PKD2L2: variants seen among roughly 807,000 people sequenced by gnomAD.
The protein encoded by PKD2L2 is polycystin-2-like protein 2.
In PKD2L2, 67 loss-of-function variants were observed where a neutral mutation model predicts 83.9. That is an observed-to-expected ratio of 0.80 (90% CI 0.66 to 0.98). The LOEUF (loss-of-function observed/expected upper bound fraction) is 0.98, where lower values mean the gene tolerates loss of function less well. Among genes scored for constraint, PKD2L2 ranks in the 50% least tolerant of loss-of-function variants. PKD2L2 has a pLI of 0.00. For synonymous variants in PKD2L2, 223 were observed against 237.8 expected (o/e 0.94, Z 0.57); for missense variants, 632 against 717.2 (o/e 0.88, Z 1.36).
intron 12 of PKD2L2, among the ~76,000 whole-genome samples, chr5:137,929,558 A>AAAT (rs1759686098): frequency 6.7e-6 from 1 of 148,888 alleles, no homozygotes; most frequent in Non-Finnish European, 1.5e-5. Flanking sequence ...AAAAAAAAAA[A>AAAT]ACAGACCACA....
chr5:137,915,475 T>A (rs1758244598), intron 8 of PKD2L2, among the ~76,000 whole-genome samples: 1 of 152,220 alleles, frequency 6.6e-6, no homozygotes. Context: ...CAGGCTGGAG[T>A]GCAGTGGCAC....
At position 137,942,633 on chromosome 5, in the gene PKD2L2, G is replaced by C. The variant is rs1423486523; in HGVS notation, c.*267G>C. ...CTGCCTCAGCTTCAAAAACTGCTGG[G>C]ATTATAGGCATGAGCCACTGTGCCT... is the stretch of plus-strand genomic sequence containing the variant. On this transcript the variant is annotated 3_prime_UTR_variant, in exon 15 of 15. Coordinates refer to ENST00000508883, the MANE Select transcript of PKD2L2 (RefSeq NM_001300921.2). 6.9e-6 allele frequency: 3 copies of C among 437,874 alleles called. No individual in the cohort carries two copies. Among genetic ancestry groups the C allele is most frequent in the Non-Finnish European group, 1.2e-5 (3 of 251,414 alleles). 27.1% of individuals were successfully genotyped at this position (437,874 alleles called of 1,614,324 possible).
intron 6 of PKD2L2, among the ~76,000 whole-genome samples, chr5:137,906,792 A>C (rs1402647356): frequency 7.2e-5 from 11 of 152,164 alleles, no homozygotes; most frequent in Non-Finnish European, 1.6e-4. Context: ...TGTTTAAAAT[A>C]ATCTATGTTG....
intron 4 of PKD2L2, among the ~76,000 whole-genome samples, chr5:137,899,151 C>G (rs1422377186): frequency 6.6e-6 from 1 of 152,046 alleles, no homozygotes; most frequent in African/African-American, 2.4e-5. Context: ...CAAGGTCTGG[C>G]TCTTTGCCTG....
chr5:137,912,613 A>T (rs543462206), intron 8 of PKD2L2, among the ~76,000 whole-genome samples: 13 of 151,366 alleles, frequency 8.6e-5, no homozygotes, highest in Non-Finnish European at 1.8e-4. Context: ...GTGATCCACC[A>T]GCCTCTGTCT....
At chr5:137,913,606 T>C (rs1758052811) in intron 8 of PKD2L2, among the ~76,000 whole-genome samples, 2 of 151,748 alleles carry the variant, frequency 1.3e-5, no homozygotes, top group African/African-American at 4.8e-5. Flanking sequence ...TTCTCCTGCC[T>C]CAGCCTCCAG....
chr5:137,911,003 T>A (rs967717421), intron 8 of PKD2L2, among the ~76,000 whole-genome samples: 2 of 152,192 alleles, frequency 1.3e-5, no homozygotes, highest in Non-Finnish European at 1.5e-5. Flanking sequence ...AAACCACTTC[T>A]AAGTGTACAG....
At chr5:137,936,239 A>G in intron 13 of PKD2L2, 81 bp from the exon 14 acceptor site, 1 of 1,245,342 alleles carries the variant, frequency 8.0e-7, no homozygotes, top group Non-Finnish European at 1.1e-6. Flanking sequence ...ATCTTCCCAA[A>G]GCATTTCGCA....
chr5:137,920,721 C>A (rs1413824515), intron 8 of PKD2L2, among the ~76,000 whole-genome samples: 1 of 149,818 alleles, frequency 6.7e-6, no homozygotes, highest in Non-Finnish European at 1.5e-5. Context: ...CGTGCCATTG[C>A]ACTCCAGCCT....
chr5:137,915,848 C>T (rs1023273558), intron 8 of PKD2L2, among the ~76,000 whole-genome samples: 1 of 151,986 alleles, frequency 6.6e-6, no homozygotes, highest in Non-Finnish European at 1.5e-5. Flanking sequence ...CATGTATTTA[C>T]CTTTACTAAG....
intron 5 of PKD2L2, among the ~76,000 whole-genome samples, chr5:137,904,726 A>G (rs988571978): frequency 5.3e-5 from 8 of 152,212 alleles, no homozygotes; most frequent in Non-Finnish European, 1.5e-5. Flanking sequence ...AAGTTTACCT[A>G]TATAACAAAC....
At chr5:137,938,895 G>A (rs1381992971) in intron 14 of PKD2L2, 1 of 152,074 alleles carries the variant, frequency 6.6e-6, no homozygotes, top group East Asian at 1.9e-4. Flanking sequence ...TAGTCAAAGT[G>A]AGACAGTCAT....
intron 5 of PKD2L2, among the ~76,000 whole-genome samples, chr5:137,901,870 T>A (rs1756988085): frequency 6.6e-6 from 1 of 152,164 alleles, no homozygotes; most frequent in African/African-American, 2.4e-5. Flanking sequence ...ATCATCGTTA[T>A]TAAAAACTGT....
At position 137,910,271 on chromosome 5, in the gene PKD2L2, AAT is replaced by A. The variant is rs1309944942; in HGVS notation, c.1328+1327_1328+1328del. On this transcript the variant is annotated intron_variant, in intron 8 of 14. Transcript: ENST00000508883. ...TAATAATAATAATAATAATAATAAT[AAT>A]AAAACTTGGTAATAATTGGCATTGA... 7.0e-4 allele frequency among the ~76,000 whole-genome samples: 102 copies of A among 146,506 alleles called. 1 individual carries two copies. The highest frequency in any genetic ancestry group is 2.1e-3 in the African/African-American group (85 of 40,604).
chr5:137,936,226 T>C, intron 13 of PKD2L2, 94 bp from the exon 14 acceptor site: 1 of 1,119,714 alleles, frequency 8.9e-7, no homozygotes, highest in Non-Finnish European at 1.3e-6. Context: ...AGCTTACAAT[T>C]CTATCTTCCC....
chr5:137,933,381 A>G (rs1760047222), intron 12 of PKD2L2, among the ~76,000 whole-genome samples: 1 of 152,238 alleles, frequency 6.6e-6, no homozygotes, highest in African/African-American at 2.4e-5. Context: ...TGTGGATATT[A>G]TGACCTCTTC....
chr5:137,925,189 T>G, intron 11 of PKD2L2, 85 bp downstream of exon 11: 1 of 810,826 alleles, frequency 1.2e-6, no homozygotes, highest in Non-Finnish European at 2.0e-6. Context: ...TTTTGTTTTT[T>G]GTTTGTTTGT....
At chr5:137,936,503 T>A (rs1760422598) in intron 14 of PKD2L2, 76 bp downstream of exon 14, 1 of 1,211,202 alleles carries the variant, frequency 8.3e-7, no homozygotes, top group Non-Finnish European at 1.1e-6. Flanking sequence ...ACGCCCAGGC[T>A]GGAGTGCAGT....
intron 8 of PKD2L2, among the ~76,000 whole-genome samples, chr5:137,910,007 G>C (rs1381335177): frequency 5.3e-5 from 8 of 151,980 alleles, no homozygotes; most frequent in African/African-American, 1.9e-4. Context: ...GAGAATCACT[G>C]AGGCCAGGAG....
Sources: gnomAD v4.1 joint callset for allele counts (sites outside exome capture counted in the v4.1 genomes callset) on GRCh38, gnomAD v4.1.1 for gene constraint, MANE v1.5 for transcripts, NCBI Gene and HGNC (gene_info 2026-07-23, HGNC 2026-07-21) for gene names.